Variants in COLGALT2 observed in about 807,000 individuals in gnomAD.
COLGALT2 encodes collagen beta(1-O)galactosyltransferase 2.
A neutral mutation model predicts 73.4 loss-of-function variants in COLGALT2; 49 were observed. That is an observed-to-expected ratio of 0.67 (90% CI 0.53 to 0.85). COLGALT2 has a LOEUF of 0.85. Ranked by LOEUF, COLGALT2 falls within the 40% of genes least tolerant of loss-of-function variation. The pLI is 0.00. For synonymous variants in COLGALT2, 295 were observed against 307.6 expected (o/e 0.96, Z 0.43); for missense variants, 722 against 790.2 (o/e 0.91, Z 1.03).
In COLGALT2 at chr1:184,002,523, C is replaced by A. The variant is rs541075128; in HGVS notation, c.264-24003G>T. ...GTAGCGACAGGAAGAGAATTTTCCA[C>A]TTAAAGAATAATTATTATAGAGAAA... On this transcript the variant is annotated intron_variant, in intron 1 of 11. Transcript: ENST00000361927. Among the ~76,000 whole-genome samples, 3 of 152,286 alleles carry A rather than the reference C, an allele frequency of 2.0e-5. No homozygotes were observed. In the South Asian group the frequency reaches 6.2e-4, roughly 32 times the overall value.
At chr1:184,015,633 A>G (rs574005452) in intron 1 of COLGALT2, among the ~76,000 whole-genome samples, 1 of 152,324 alleles carries the variant, frequency 6.6e-6, no homozygotes, top group East Asian at 1.9e-4. Flanking sequence ...GGAGTATTCT[A>G]AGTTCTGAGA....
chr1:184,024,391 C>T (rs1315167179), intron 1 of COLGALT2, among the ~76,000 whole-genome samples: 5 of 148,952 alleles, frequency 3.4e-5, no homozygotes, highest in East Asian at 2.0e-4. Flanking sequence ...GTTACTCTGT[C>T]GCCCAGGCTG....
chr1:183,987,250 ATTCTTC>A (rs1196660815), intron 1 of COLGALT2, among the ~76,000 whole-genome samples: 1 of 152,008 alleles, frequency 6.6e-6, no homozygotes, highest in Non-Finnish European at 1.5e-5. Context: ...GCCCTTGTTT[ATTCTTC>A]TTCCCACCTT....
At chr1:184,022,996 G>A (rs762664641) in intron 1 of COLGALT2, among the ~76,000 whole-genome samples, 2 of 152,196 alleles carry the variant, frequency 1.3e-5, no homozygotes, top group African/African-American at 2.4e-5. Flanking sequence ...GGATGAGGGA[G>A]TCAGCCAAAG....
intron 1 of COLGALT2, among the ~76,000 whole-genome samples, chr1:184,011,759 T>C (rs1364749907): frequency 1.3e-5 from 2 of 152,214 alleles, no homozygotes; most frequent in Admixed American, 6.5e-5. Flanking sequence ...ACCCTATATG[T>C]AAAACCTACA....
Position 183,937,678 on chromosome 1 carries a change from A to C in COLGALT2, c.*1083T>G. The C allele has an allele frequency of 2.0e-6, 2 of 985,400 alleles. No homozygotes were observed. The highest frequency in any genetic ancestry group is 2.4e-6 in the Non-Finnish European group (2 of 829,926). The allele number at this position is 985,400 out of a possible 1,614,324, so 61.0% of individuals were successfully genotyped here. ...TTGCCGAACCAATGTGTCCACACCC[A>C]CCACTCCCCCGGGTGCCGTGGAAGT... On this transcript the variant is annotated 3_prime_UTR_variant, in exon 12 of 12. Transcript: ENST00000361927.
At position 183,945,543 on chromosome 1, in the gene COLGALT2, C is replaced by T; in HGVS notation, c.1158G>A (p.Leu386=). ...VDGKALNTSQ[L]KALNIEMLPG... ...GCAGCATTTCAATATTCAGTGCCTTCAGCTGGCTTGTGTTGAGTGCCCTGC... is the reference window on the plus strand; with the variant it reads ...GCAGCATTTCAATATTCAGTGCCTTTAGCTGGCTTGTGTTGAGTGCCCTGC... Residue 386 remains leucine, a synonymous_variant, in exon 9 of 12, where the codon CTG becomes CTA. Transcript: ENST00000361927. 1 of 1,614,184 alleles carries T rather than the reference C, an allele frequency of 6.2e-7. No individual in the cohort carries two copies. Among genetic ancestry groups the T allele is most frequent in the African/African-American group, 1.3e-5 (1 of 75,036 alleles).
chr1:183,934,054 A>G (rs1221841989), downstream of COLGALT2, among the ~76,000 whole-genome samples: 1 of 152,140 alleles, frequency 6.6e-6, no homozygotes, highest in Non-Finnish European at 1.5e-5. Flanking sequence ...ATACTAGGGC[A>G]TTTCAGTAAT....
chr1:184,023,654 G>A (rs929792984), intron 1 of COLGALT2, among the ~76,000 whole-genome samples: 1 of 149,672 alleles, frequency 6.7e-6, no homozygotes, highest in African/African-American at 2.5e-5. Context: ...GGGGGGGGGG[G>A]GCGGTGCCGG....
intron 1 of COLGALT2, among the ~76,000 whole-genome samples, chr1:183,993,431 C>T (rs1177797603): frequency 6.6e-6 from 1 of 152,214 alleles, no homozygotes; most frequent in Non-Finnish European, 1.5e-5. Context: ...TTCTGGCTTT[C>T]ATTGGGGTGT....
chr1:183,972,901 A>T (rs185038780), intron 4 of COLGALT2, among the ~76,000 whole-genome samples: 2 of 152,102 alleles, frequency 1.3e-5, no homozygotes, highest in East Asian at 1.9e-4. Context: ...AGGTTTCACC[A>T]TGTTAGCCAG....
At chr1:183,984,788 G>C (rs958840470) in intron 1 of COLGALT2, among the ~76,000 whole-genome samples, 11 of 152,200 alleles carry the variant, frequency 7.2e-5, no homozygotes, top group Non-Finnish European at 1.6e-4. Flanking sequence ...AGCTGTGCAA[G>C]TTAGCAAAAG....
In COLGALT2 at chr1:184,037,339, C is replaced by A. The variant is rs1201306915; in HGVS notation, c.19G>T (p.Ala7Ser). 12 of 1,488,548 alleles carry A rather than the reference C, an allele frequency of 8.1e-6. No individual in the cohort carries two copies. The highest frequency in any genetic ancestry group is 1.1e-5 in the Non-Finnish European group (12 of 1,118,892). 92.2% of individuals were successfully genotyped at this position (1,488,548 alleles called of 1,614,324 possible). MAARPAATLAWSLLLLS... is the reference protein window; with the variant it reads MAARPASTLAWSLLLLS... Reference sequence around the variant, plus strand: ...AGCAGTAGCGACCAGGCGAGGGTGGCAGCAGGGCGCGCAGCCATGTTCCGG... The same window carrying A: ...AGCAGTAGCGACCAGGCGAGGGTGGAAGCAGGGCGCGCAGCCATGTTCCGG... Residue 7 changes from alanine (A) to serine (S), a missense_variant, in exon 1 of 12, where the codon GCC becomes TCC. Ala to Ser is a moderately conservative substitution (Grantham distance 99). Transcript: ENST00000361927.
At chr1:183,949,416 T>A (rs1448256415) in intron 8 of COLGALT2, among the ~76,000 whole-genome samples, 1 of 152,174 alleles carries the variant, frequency 6.6e-6, no homozygotes, top group Non-Finnish European at 1.5e-5. Flanking sequence ...AGTTCAGAAA[T>A]AAATCCTTAC....
At position 183,937,729 on chromosome 1, in the gene COLGALT2, T is replaced by C; in HGVS notation, c.*1032A>G. The C allele has an allele frequency of 1.0e-6, 1 of 985,420 alleles. No individual in the cohort carries two copies. The highest frequency in any genetic ancestry group is 1.2e-6 in the Non-Finnish European group (1 of 829,928). 61.0% of individuals were successfully genotyped at this position (985,420 alleles called of 1,614,324 possible). Reference sequence around the variant, plus strand: ...CTGCAACATCTGTTTCTCTGCCTTATCCTAAAGACAATATCTTCGCCCATT... The same window carrying C: ...CTGCAACATCTGTTTCTCTGCCTTACCCTAAAGACAATATCTTCGCCCATT... On this transcript the variant is annotated 3_prime_UTR_variant, in exon 12 of 12. Coordinates refer to ENST00000361927, the MANE Select transcript of COLGALT2 (RefSeq NM_015101.4).
intron 1 of COLGALT2, among the ~76,000 whole-genome samples, chr1:184,009,715 T>A (rs985203802): frequency 6.6e-6 from 1 of 152,218 alleles, no homozygotes; most frequent in Admixed American, 6.5e-5. Flanking sequence ...GTAGTAATGG[T>A]CCAAGAAGTT....
rs924089181 is a variant in COLGALT2 at position 183,939,106 on chromosome 1, T to C, written c.1605-69A>G. The C allele has an allele frequency of 7.8e-6, 9 of 1,159,006 alleles. No homozygotes were observed. In the East Asian group the frequency reaches 2.1e-4, roughly 28 times the overall value. 71.8% of individuals were successfully genotyped at this position (1,159,006 alleles called of 1,614,324 possible). On this transcript the variant is annotated intron_variant, in intron 11 of 11. Coordinates refer to ENST00000361927, the MANE Select transcript of COLGALT2 (RefSeq NM_015101.4). ...AGACTTACGGAACAGGGACAAAGAG[T>C]GAAGGAGGCCTCCTGGTTACCTCAT...
At chr1:183,984,723 C>T (rs534634284) in intron 1 of COLGALT2, among the ~76,000 whole-genome samples, 1 of 152,356 alleles carries the variant, frequency 6.6e-6, no homozygotes, top group South Asian at 2.1e-4. Flanking sequence ...TGCTGCCCAT[C>T]TGCTTTCCCT....
intron 5 of COLGALT2, 123 bp downstream of exon 5, chr1:183,969,146 A>AATTTACTG: frequency 1.3e-6 from 1 of 781,650 alleles, no homozygotes; most frequent in Non-Finnish European, 1.9e-6. Flanking sequence ...TATTGCAGAC[A>AATTTACTG]ATTTACTGCC....
Sources: gnomAD v4.1 joint callset for allele counts (sites outside exome capture counted in the v4.1 genomes callset) on GRCh38, gnomAD v4.1.1 for gene constraint, MANE v1.5 for transcripts, NCBI Gene and HGNC (gene_info 2026-07-23, HGNC 2026-07-21) for gene names.